Variants in IKBKE observed in about 807,000 individuals in gnomAD.
IKBKE encodes the protein inhibitor of nuclear factor kappa-B kinase subunit epsilon.
A neutral mutation model predicts 92.1 loss-of-function variants in IKBKE; 45 were observed. That is an observed-to-expected ratio of 0.49 (90% CI 0.38 to 0.63). The LOEUF is 0.63. Among genes scored for constraint, IKBKE ranks in the 20% least tolerant of loss-of-function variants. The pLI is 0.00. For missense variants in IKBKE, 700 were observed against 932.8 expected, an observed-to-expected ratio of 0.75 and a Z score of 3.25; for synonymous variants, 374 against 380.3, an observed-to-expected ratio of 0.98 and a Z score of 0.19.
chr1:206,473,067 C>T (rs1219200757), intron 2 of IKBKE, 129 bp from the exon 3 acceptor site: 9 of 665,506 alleles, frequency 1.4e-5, no homozygotes, highest in Admixed American at 2.8e-5. Context: ...TCCCCCGCTC[C>T]CTTGCTTGTG....
intron 16 of IKBKE, among the ~76,000 whole-genome samples, chr1:206,489,022 C>A (rs1231103220): frequency 1.3e-5 from 2 of 151,586 alleles, no homozygotes; most frequent in South Asian, 4.2e-4. Flanking sequence ...ATTTCCTTAG[C>A]AATTCTGTTT....
At chr1:206,475,386 C>G (rs1398258071) in intron 5 of IKBKE, among the ~76,000 whole-genome samples, 2 of 152,174 alleles carry the variant, frequency 1.3e-5, no homozygotes, top group African/African-American at 4.8e-5. Flanking sequence ...ATGGTGGTTT[C>G]CAGTGGCTGG....
intron 17 of IKBKE, chr1:206,491,059 T>C (rs1665926766): frequency 1.6e-6 from 1 of 619,980 alleles, no homozygotes; most frequent in Non-Finnish European, 2.9e-6. Context: ...AGATGCAATC[T>C]TGAAGTAACT....
At chr1:206,495,468 G>A (rs1230939114) in intron 21 of IKBKE, among the ~76,000 whole-genome samples, 6 of 152,150 alleles carry the variant, frequency 3.9e-5, no homozygotes, top group Non-Finnish European at 8.8e-5. Context: ...TAGAATTGGG[G>A]CCAGGAGGTA....
chr1:206,493,831 G>T, intron 20 of IKBKE, 89 bp from the exon 21 acceptor site: 1 of 912,692 alleles, frequency 1.1e-6, no homozygotes, highest in Non-Finnish European at 1.7e-6. Context: ...CTTTGGTGGG[G>T]CTGCAGAGGA....
chr1:206,492,150 G>A (rs1191056741), intron 18 of IKBKE: 12 of 314,340 alleles, frequency 3.8e-5, no homozygotes, highest in South Asian at 1.1e-4. Context: ...TCTTTCTACC[G>A]TTCCACCTGG....
intron 16 of IKBKE, among the ~76,000 whole-genome samples, chr1:206,489,519 A>G (rs1187071485): frequency 1.3e-5 from 2 of 151,640 alleles, no homozygotes; most frequent in African/African-American, 4.9e-5. Context: ...CCTGGGCAAC[A>G]TAGCAAGACC....
At position 206,476,129 on chromosome 1, in the gene IKBKE, A is replaced by G; in HGVS notation, c.359-52A>G. 1 of 1,580,110 alleles carries G rather than the reference A, an allele frequency of 6.3e-7. No individual in the cohort carries two copies. The highest frequency in any genetic ancestry group is 8.7e-7 in the Non-Finnish European group (1 of 1,153,358). Reference sequence around the variant, plus strand: ...CTTCCCACCAAGATGAGCCTCAGACACTAGACTGTCCCCGACCAGAGCCAG... The same window carrying G: ...CTTCCCACCAAGATGAGCCTCAGACGCTAGACTGTCCCCGACCAGAGCCAG... On this transcript the variant is annotated intron_variant, in intron 5 of 21. Transcript: ENST00000581977. The surrounding 1 kb of genome is among the most constrained non-coding windows in gnomAD (Gnocchi z 5.1).
intron 18 of IKBKE, 39 bp downstream of exon 18, chr1:206,491,788 G>T: frequency 6.7e-7 from 1 of 1,482,506 alleles, no homozygotes; most frequent in Non-Finnish European, 9.4e-7. Context: ...CCAGGGCCTG[G>T]CCTGGCCCTT....
At position 206,478,412 on chromosome 1, in the gene IKBKE, T is replaced by C. The variant is rs1665189778; in HGVS notation, c.992+73T>C. Reference sequence around the variant, plus strand: ...GCAGCAGTGCATGTCCAAAGCAGCATCTCCCACAGTACGTTCTGAGGAGTG... The same window carrying C: ...GCAGCAGTGCATGTCCAAAGCAGCACCTCCCACAGTACGTTCTGAGGAGTG... On this transcript the variant is annotated intron_variant, in intron 9 of 21. Coordinates refer to ENST00000581977, the MANE Select transcript of IKBKE (RefSeq NM_014002.4). The surrounding 1 kb of genome is among the most constrained non-coding windows in gnomAD (Gnocchi z 4.8). The C allele has an allele frequency of 6.9e-7, 1 of 1,440,226 alleles. No individual in the cohort carries two copies. The highest frequency in any genetic ancestry group is 9.6e-7 in the Non-Finnish European group (1 of 1,037,856). 89.2% of individuals were successfully genotyped at this position (1,440,226 alleles called of 1,614,324 possible). A position where few individuals can be genotyped will look rare whatever the true frequency, so the allele number is the denominator to read the frequency against.
In IKBKE at chr1:206,496,128, G is replaced by A. The variant is rs1436264832; in HGVS notation, c.2134G>A (p.Ala712Thr). ...RIIERLNRVP[A>T]PPDV The stretch of plus-strand genomic sequence containing the variant: ...TTCTTGTAGGCTAAATAGAGTCCCA[G>A]CACCTCCTGATGTCTGAGCTCCATG... Residue 712 changes from alanine to threonine, a missense_variant, in exon 22 of 22, where the codon GCA becomes ACA. Ala to Thr is a moderately conservative substitution (Grantham distance 58). Transcript: ENST00000581977. 1.9e-6 allele frequency: 3 copies of A among 1,613,528 alleles called. No individual in the cohort carries two copies. The African/African-American group carries it at 4.0e-5, about 22-fold the overall frequency.
intron 13 of IKBKE, among the ~76,000 whole-genome samples, chr1:206,481,339 C>G (rs1455274751): frequency 1.3e-4 from 20 of 152,210 alleles, no homozygotes; most frequent in Non-Finnish European, 2.6e-4. Context: ...ACCCCCAGCC[C>G]TTGTCCTCAG....
In IKBKE at chr1:206,493,625, G is replaced by C. The variant is rs543565123; in HGVS notation, c.2045+247G>C. Among the ~76,000 whole-genome samples, 124 of 152,278 alleles carry C rather than the reference G, an allele frequency of 8.1e-4. 1 individual carries two copies. The highest frequency in any genetic ancestry group is 2.9e-3 in the African/African-American group (119 of 41,552). ...CAAACATGGTGAAACCCCATCTCTG[G>C]TAAAAATACAAAATTTAGCCGGGTG... On this transcript the variant is annotated intron_variant, in intron 20 of 21. Transcript: ENST00000581977.
chr1:206,488,244 A>G (rs1209586776), intron 16 of IKBKE, among the ~76,000 whole-genome samples: 1 of 152,206 alleles, frequency 6.6e-6, no homozygotes, highest in East Asian at 1.9e-4. Flanking sequence ...TTGCCACATG[A>G]GAGACTTGGA....
rs2103472521 is a variant in IKBKE at position 206,485,256 on chromosome 1, C to G, written c.1566C>G (p.Ser522Arg). 1 of 1,613,932 alleles carries G rather than the reference C, an allele frequency of 6.2e-7. No individual in the cohort carries two copies. Among genetic ancestry groups the G allele is most frequent in the Non-Finnish European group, 8.5e-7 (1 of 1,179,778 alleles). The change falls in exon 15 of 22, where the codon AGC (serine) becomes AGG (arginine). Residue 522 changes from serine to arginine, a missense_variant. Physicochemically the swap from Ser to Arg is moderately radical, Grantham distance 110 (BLOSUM62 -1). Transcript: ENST00000581977. This position sits in a 1 kb window ranked among gnomAD's most constrained non-coding sequence, Gnocchi z 5.0. ...CGGAGACCCAGGAGAGCCTGAGCAG[C>G]CTGAACCGGGAGCTGGTGAAGAGCC... is the stretch of plus-strand genomic sequence containing the variant. ...NITETQESLSSLNRELVKSRD... is the reference protein window; with the variant it reads ...NITETQESLSRLNRELVKSRD...
Position 206,476,398 on chromosome 1 carries a change from G to C in IKBKE, c.540+36G>C. The C allele has an allele frequency of 6.4e-7, 1 of 1,568,122 alleles. No individual in the cohort carries two copies. Among genetic ancestry groups the C allele is most frequent in the South Asian group, 1.2e-5 (1 of 83,604 alleles). On this transcript the variant is annotated intron_variant, in intron 6 of 21. Transcript: ENST00000581977. The surrounding 1 kb of genome is among the most constrained non-coding windows in gnomAD (Gnocchi z 5.1). ...TGCTCGAGACCCGCTGCCCTATGCT[G>C]AGGGCTCCCCTTGCCTTGTGAGCCC...
chr1:206,495,892 A>G (rs1458322239), intron 21 of IKBKE, among the ~76,000 whole-genome samples: 1 of 152,202 alleles, frequency 6.6e-6, no homozygotes, highest in Non-Finnish European at 1.5e-5. Context: ...CTCTGGGTAC[A>G]GCTTGTGGTT....
At chr1:206,491,787 G>A in intron 18 of IKBKE, 38 bp downstream of exon 18, 1 of 1,501,504 alleles carries the variant, frequency 6.7e-7, no homozygotes, top group South Asian at 1.1e-5. Flanking sequence ...CCCAGGGCCT[G>A]GCCTGGCCCT....
intron 3 of IKBKE, among the ~76,000 whole-genome samples, 175 bp from the exon 4 acceptor site, chr1:206,474,156 C>T (rs1197301958): frequency 6.6e-6 from 1 of 152,020 alleles, no homozygotes. Flanking sequence ...GACTCTCTAC[C>T]CCTTGAGAGG....
Sources: gnomAD v4.1 joint callset for allele counts (sites outside exome capture counted in the v4.1 genomes callset) on GRCh38, gnomAD v4.1.1 for gene constraint, Gnocchi (gnomAD v3.1) non-coding constraint, MANE v1.5 for transcripts, NCBI Gene and HGNC (gene_info 2026-07-23, HGNC 2026-07-21) for gene names.